The following C1orf105 variants were observed in gnomAD, a reference collection of about 807,000 sequenced individuals.
C1orf105 encodes the protein chromosome 1 open reading frame 105, also known as uncharacterized protein C1orf105.
In C1orf105, 17 loss-of-function variants were observed where a neutral mutation model predicts 20.8. The observed-to-expected ratio is 0.82, with a 90% CI of 0.56 to 1.23. C1orf105 has a LOEUF of 1.23. Among genes scored for constraint, C1orf105 ranks in the 50% most tolerant of loss-of-function variants. The pLI is 0.00. For synonymous variants in C1orf105, 72 were observed against 72.1 expected (o/e 1.00, Z 0.01); for missense variants, 219 against 213.5 (o/e 1.03, Z -0.16).
chr1:172,433,140 A>C (rs2071924797), intron 1 of C1orf105, among the ~76,000 whole-genome samples: 1 of 152,256 alleles, frequency 6.6e-6, no homozygotes, highest in Non-Finnish European at 1.5e-5. Context: ...TCTACGTTTG[A>C]TTGGTGTACC....
intron 1 of C1orf105, among the ~76,000 whole-genome samples, chr1:172,428,249 C>T (rs1174583006): frequency 6.6e-6 from 1 of 152,186 alleles, no homozygotes; most frequent in Non-Finnish European, 1.5e-5. Flanking sequence ...ACCATTATCC[C>T]TTGCTTGTAT....
intron 4 of C1orf105, among the ~76,000 whole-genome samples, chr1:172,457,449 G>T (rs1030940262): frequency 6.6e-6 from 1 of 152,230 alleles, no homozygotes; most frequent in Non-Finnish European, 1.5e-5. Flanking sequence ...ATGTGAAAGA[G>T]AGTGGCACTT....
At chr1:172,425,462 C>CA (rs1375391839) in intron 1 of C1orf105, among the ~76,000 whole-genome samples, 1 of 152,104 alleles carries the variant, frequency 6.6e-6, no homozygotes, top group Non-Finnish European at 1.5e-5. Flanking sequence ...GAAAAAAAAG[C>CA]AAAAAGTATA....
At chr1:172,428,321 G>GGCCCTAC (rs1246809834) in intron 1 of C1orf105, among the ~76,000 whole-genome samples, 2 of 152,162 alleles carry the variant, frequency 1.3e-5, no homozygotes, top group African/African-American at 2.4e-5. Flanking sequence ...CAACCAGAAT[G>GGCCCTAC]AGCCTTTCAA....
chr1:172,457,387 A>T (rs375434936), intron 4 of C1orf105, among the ~76,000 whole-genome samples: 97 of 152,322 alleles, frequency 6.4e-4, no homozygotes, highest in African/African-American at 2.3e-3. Flanking sequence ...AAAATAGAAG[A>T]TATAAGAAAA....
chr1:172,462,073 G>A (rs1455322198), intron 4 of C1orf105, 105 bp from the exon 5 acceptor site: 2 of 823,984 alleles, frequency 2.4e-6, no homozygotes, highest in Non-Finnish European at 4.0e-6. Context: ...GATGTATGAA[G>A]GACTTTGACA....
chr1:172,468,807 A>G lies in C1orf105; in HGVS notation c.*213A>G. 1 of 420,362 alleles carries G rather than the reference A, an allele frequency of 2.4e-6. No homozygotes were observed. The highest frequency in any genetic ancestry group is 4.2e-6 in the Non-Finnish European group (1 of 236,374). 26.0% of individuals were successfully genotyped at this position (420,362 alleles called of 1,614,324 possible). A position where few individuals can be genotyped will look rare whatever the true frequency, so the allele number is the denominator to read the frequency against. On this transcript the variant is annotated 3_prime_UTR_variant, in exon 7 of 7. Coordinates refer to ENST00000367727, the MANE Select transcript of C1orf105 (RefSeq NM_139240.4). ...AAATTGTTTAATTTACATGATTATA[A>G]AGATCTGTTTATGAAAATGGAACAT...
At chr1:172,444,033 C>T in intron 1 of C1orf105, 1 of 1,000,164 alleles carries the variant, frequency 1.0e-6, no homozygotes, top group Non-Finnish European at 1.2e-6. Flanking sequence ...CGGCACCCAG[C>T]CTTTTTCCCG....
chr1:172,462,907 C>T (rs190665706), intron 5 of C1orf105, among the ~76,000 whole-genome samples: 27 of 151,094 alleles, frequency 1.8e-4, no homozygotes, highest in African/African-American at 4.9e-4. Context: ...CAAATAGCTG[C>T]GATTACAGAT....
intron 1 of C1orf105, among the ~76,000 whole-genome samples, chr1:172,424,770 C>CT (rs3833952): frequency 7.9e-5 from 12 of 151,744 alleles, no homozygotes; most frequent in Admixed American, 2.6e-4. Flanking sequence ...CCTTCTGCCT[C>CT]TTTTTTTTTC....
intron 4 of C1orf105, among the ~76,000 whole-genome samples, chr1:172,459,614 CA>C (rs1573890696): frequency 6.6e-6 from 1 of 152,050 alleles, no homozygotes; most frequent in East Asian, 1.9e-4. Context: ...GAATGTAAAA[CA>C]GTACAGTTGC....
At chr1:172,430,762 T>C (rs553824138) in intron 1 of C1orf105, among the ~76,000 whole-genome samples, 2 of 152,326 alleles carry the variant, frequency 1.3e-5, no homozygotes, top group Non-Finnish European at 2.9e-5. Flanking sequence ...TTTTTACAAA[T>C]TGAAGATTTG....
At chr1:172,436,145 C>A (rs148515613) in intron 1 of C1orf105, among the ~76,000 whole-genome samples, 8,915 of 152,232 alleles carry the variant, frequency 0.059, 278 homozygotes, top group African/African-American at 0.083. Context: ...GAATCAGTAT[C>A]ATGAAAATGG....
intron 3 of C1orf105, chr1:172,452,914 T>C (rs1648811666): frequency 2.0e-6 from 3 of 1,504,364 alleles, no homozygotes; most frequent in Non-Finnish European, 2.7e-6. Flanking sequence ...TCTCCATTCC[T>C]GTTATTGCTG....
At chr1:172,434,723 G>A (rs2071981713) in intron 1 of C1orf105, among the ~76,000 whole-genome samples, 1 of 152,186 alleles carries the variant, frequency 6.6e-6, no homozygotes, top group South Asian at 2.1e-4. Context: ...TCAAAAGCTA[G>A]CAGAAGGCAA....
intron 2 of C1orf105, among the ~76,000 whole-genome samples, chr1:172,447,476 G>A (rs989059667): frequency 3.3e-5 from 5 of 152,144 alleles, no homozygotes; most frequent in Non-Finnish European, 7.4e-5. Context: ...TAAGATTATT[G>A]TATGCTGAAG....
chr1:172,433,300 G>A (rs2149162476), intron 1 of C1orf105, among the ~76,000 whole-genome samples: 1 of 152,184 alleles, frequency 6.6e-6, no homozygotes, highest in East Asian at 1.9e-4. Context: ...ACACATAACT[G>A]TCAGATTCAC....
chr1:172,431,534 A>G (rs1250759976), intron 1 of C1orf105, among the ~76,000 whole-genome samples: 1 of 152,240 alleles, frequency 6.6e-6, no homozygotes, highest in African/African-American at 2.4e-5. Context: ...CTGTAACATA[A>G]AAGTGCACAC....
intron 1 of C1orf105, among the ~76,000 whole-genome samples, chr1:172,427,998 C>T (rs1264544718): frequency 1.3e-5 from 2 of 152,130 alleles, no homozygotes; most frequent in East Asian, 1.9e-4. Flanking sequence ...CCCACGTGCA[C>T]CAAACTAAAC....
Sources: allele counts gnomAD v4.1 joint callset (sites outside exome capture counted in the v4.1 genomes callset), GRCh38; gene constraint gnomAD v4.1.1; transcripts MANE v1.5; gene names NCBI Gene and HGNC (gene_info 2026-07-23, HGNC 2026-07-21).